PIK3CB: variants seen among roughly 807,000 people sequenced by gnomAD.
PIK3CB encodes the protein phosphatidylinositol-4,5-bisphosphate 3-kinase catalytic subunit beta.
In PIK3CB, 39 loss-of-function variants were observed where a neutral mutation model predicts 136.8. That is an observed-to-expected ratio of 0.29 (90% CI 0.22 to 0.37). PIK3CB has a LOEUF of 0.37. Ranked by LOEUF, PIK3CB falls within the 10% of genes least tolerant of loss-of-function variation. The pLI is 1.00. For synonymous variants in PIK3CB, 428 were observed against 436.6 expected, an observed-to-expected ratio of 0.98 and a Z score of 0.25; for missense variants, 868 against 1,275.4, an observed-to-expected ratio of 0.68 and a Z score of 4.87.
At chr3:138,680,047 C>T (rs930655550) in intron 19 of PIK3CB, among the ~76,000 whole-genome samples, 2 of 150,298 alleles carry the variant, frequency 1.3e-5, no homozygotes, top group African/African-American at 4.9e-5. Context: ...CTAATAATAA[C>T]TGACAATAAC....
intron 12 of PIK3CB, 97 bp downstream of exon 12, chr3:138,704,346 G>GT: frequency 2.3e-6 from 2 of 857,650 alleles, no homozygotes; most frequent in Non-Finnish European, 2.0e-6. Flanking sequence ...TTGCATATGA[G>GT]TTACGGTCTT....
chr3:138,811,028 AC>A (rs1295427978), intron 1 of PIK3CB, among the ~76,000 whole-genome samples: 4 of 151,902 alleles, frequency 2.6e-5, no homozygotes, highest in Non-Finnish European at 5.9e-5. Context: ...GGCGTTTGAC[AC>A]CAGCCTGGTC....
chr3:138,689,148 A>T (rs2043955958), intron 15 of PIK3CB, among the ~76,000 whole-genome samples, 174 bp from the exon 16 acceptor site: 1 of 152,156 alleles, frequency 6.6e-6, no homozygotes, highest in African/African-American at 2.4e-5. Flanking sequence ...TCTGTTGCCC[A>T]GGCTGGTGTG....
intron 4 of PIK3CB, among the ~76,000 whole-genome samples, chr3:138,746,857 A>AAG (rs967842896): frequency 2.7e-5 from 4 of 150,592 alleles, no homozygotes; most frequent in African/African-American, 9.7e-5. Context: ...ACCCACATAC[A>AAG]AGCTGCATTT....
intron 12 of PIK3CB, 129 bp downstream of exon 12, chr3:138,704,314 T>C (rs2044317934): frequency 8.3e-6 from 6 of 726,746 alleles, no homozygotes; most frequent in Admixed American, 6.4e-5. Context: ...TGTGCATACT[T>C]ACCCACACTC....
rs2043142904 is a variant in PIK3CB at position 138,652,961 on chromosome 3, C to T, written c.*2428G>A. 1 of 216,282 alleles carries T rather than the reference C, an allele frequency of 4.6e-6. No individual in the cohort carries two copies. The highest frequency in any genetic ancestry group is 9.3e-6 in the Non-Finnish European group (1 of 107,474). The allele number at this position is 216,282 out of a possible 1,614,324, so 13.4% of individuals were successfully genotyped here. On this transcript the variant is annotated 3_prime_UTR_variant, in exon 24 of 24. Transcript: ENST00000674063. ...GCTGATGCTCCTCATCAGGGGACCA[C>T]ACTTGGAGAATGATTGCTATAGATT...
intron 2 of PIK3CB, among the ~76,000 whole-genome samples, chr3:138,794,168 T>G (rs1348321455): frequency 1.3e-5 from 2 of 152,134 alleles, no homozygotes; most frequent in Non-Finnish European, 2.9e-5. Flanking sequence ...TTCATCATGT[T>G]GGCCAGCTGG....
chr3:138,803,769 C>T (rs1281990578), intron 1 of PIK3CB, among the ~76,000 whole-genome samples: 1 of 152,074 alleles, frequency 6.6e-6, no homozygotes, highest in African/African-American at 2.4e-5. Flanking sequence ...TCTGGGCCTC[C>T]ATTCTCAAAC....
chr3:138,728,613 T>TA lies in PIK3CB; in HGVS notation c.1050+4747dup, dbSNP rs1303480983. Among the ~76,000 whole-genome samples the TA allele has an allele frequency of 1.4e-3, 213 of 150,304 alleles. 2 individuals carry two copies. Among genetic ancestry groups the TA allele is most frequent in the African/African-American group, 4.9e-3 (201 of 40,982 alleles). ...TAACATGGTGAAACCCCGTCTCTACTAAAAAAAATACAAAACATTAGCCAG... is the reference window on the plus strand; with the variant it reads ...TAACATGGTGAAACCCCGTCTCTACTAAAAAAAAATACAAAACATTAGCCAG... On this transcript the variant is annotated intron_variant, in intron 8 of 23. Coordinates refer to ENST00000674063, the MANE Select transcript of PIK3CB (RefSeq NM_006219.3).
At chr3:138,769,798 G>C (rs1489554166) in intron 2 of PIK3CB, among the ~76,000 whole-genome samples, 1 of 152,070 alleles carries the variant, frequency 6.6e-6, no homozygotes, top group Non-Finnish European at 1.5e-5. Flanking sequence ...TTATTTTATA[G>C]GACTACACAA....
At chr3:138,833,911 G>A (rs1934155304) in intron 1 of PIK3CB, among the ~76,000 whole-genome samples, 1 of 152,182 alleles carries the variant, frequency 6.6e-6, no homozygotes, top group Non-Finnish European at 1.5e-5. Flanking sequence ...AGCCCTGCGG[G>A]AAGAGACTGC....
At chr3:138,796,267 C>G (rs1424777136) in intron 2 of PIK3CB, among the ~76,000 whole-genome samples, 196 bp downstream of exon 2, 1 of 151,668 alleles carries the variant, frequency 6.6e-6, no homozygotes, top group Non-Finnish European at 1.5e-5. Flanking sequence ...TGCCTGTAAT[C>G]CCAGCTACTC....
intron 8 of PIK3CB, among the ~76,000 whole-genome samples, chr3:138,730,568 A>G (rs74550254): frequency 0.03 from 4,609 of 152,166 alleles, 239 homozygotes; most frequent in African/African-American, 0.11. Flanking sequence ...AAAACCATAT[A>G]TATATATAAT....
At chr3:138,657,659 T>C in intron 22 of PIK3CB, 31 bp downstream of exon 22, 4 of 1,593,440 alleles carry the variant, frequency 2.5e-6, no homozygotes, top group Non-Finnish European at 3.4e-6. Flanking sequence ...ATGTTAGAAG[T>C]GTTCAGCCTT....
At chr3:138,740,149 G>C (rs917413556) in intron 5 of PIK3CB, among the ~76,000 whole-genome samples, 3 of 151,806 alleles carry the variant, frequency 2.0e-5, no homozygotes, top group African/African-American at 7.3e-5. Context: ...CTTAAGCTCA[G>C]GAGTTCAAGA....
At chr3:138,806,350 G>A (rs1217763079) in intron 1 of PIK3CB, among the ~76,000 whole-genome samples, 1 of 152,102 alleles carries the variant, frequency 6.6e-6, no homozygotes, top group East Asian at 1.9e-4. Flanking sequence ...GCCAGGTGTG[G>A]TGATGCACGC....
At chr3:138,809,958 CACAAAGT>C (rs1337932424) in intron 1 of PIK3CB, among the ~76,000 whole-genome samples, 1 of 152,012 alleles carries the variant, frequency 6.6e-6, no homozygotes, top group Non-Finnish European at 1.5e-5. Context: ...GTAAGAAATA[CACAAAGT>C]AAGCCTTGAA....
intron 1 of PIK3CB, chr3:138,826,305 C>G: frequency 6.3e-7 from 1 of 1,597,332 alleles, no homozygotes; most frequent in Admixed American, 1.7e-5. Context: ...CCAAGTCTGC[C>G]CAGAAAGCTC....
intron 6 of PIK3CB, 58 bp downstream of exon 6, chr3:138,737,646 TATA>T (rs2045140500): frequency 4.7e-5 from 10 of 210,688 alleles, no homozygotes. Context: ...AGAAATAAAA[TATA>T]TATATATATA....
Sources: gnomAD v4.1 joint callset for allele counts (sites outside exome capture counted in the v4.1 genomes callset) on GRCh38, gnomAD v4.1.1 for gene constraint, MANE v1.5 for transcripts, NCBI Gene and HGNC (gene_info 2026-07-23, HGNC 2026-07-21) for gene names.